IKBKB-DT: variants seen among roughly 807,000 people sequenced by gnomAD.
IKBKB-DT encodes the protein IKBKB divergent transcript.
intron 3 of IKBKB-DT, among the ~76,000 whole-genome samples, chr8:42,262,675 G>T (rs994602215): frequency 6.6e-6 from 1 of 151,940 alleles, no homozygotes. Flanking sequence ...TCCTGACCTC[G>T]TGATCCGCCC....
At chr8:42,271,170 C>A (rs1048904625) in exon 1 of IKBKB-DT, 1 of 595,202 alleles carries the variant, frequency 1.7e-6, no homozygotes, top group Non-Finnish European at 3.0e-6. Context: ...CTAGAGACCA[C>A]ACGCCACCCC....
intron 3 of IKBKB-DT, among the ~76,000 whole-genome samples, chr8:42,248,689 G>C (rs903315395): frequency 1.3e-5 from 2 of 151,786 alleles, no homozygotes; most frequent in African/African-American, 4.8e-5. Flanking sequence ...GGCCAGCCTG[G>C]CCAACATGGT....
chr8:42,239,649 CATTTT>C (rs1197489194), intron 3 of IKBKB-DT, among the ~76,000 whole-genome samples: 6 of 13,170 alleles, frequency 4.6e-4, no homozygotes, highest in African/African-American at 1.3e-3. Context: ...TTTATTTATT[CATTTT>C]TTTTTTTTGA....
intron 3 of IKBKB-DT, among the ~76,000 whole-genome samples, chr8:42,243,623 C>G (rs1014268970): frequency 6.6e-6 from 1 of 152,136 alleles, no homozygotes; most frequent in Non-Finnish European, 1.5e-5. Context: ...GGTGCTACTG[C>G]TTATAGCACT....
chr8:42,256,351 G>T (rs934306281), intron 3 of IKBKB-DT, among the ~76,000 whole-genome samples: 1 of 150,386 alleles, frequency 6.6e-6, no homozygotes, highest in Non-Finnish European at 1.5e-5. Context: ...AGCCTGAGGT[G>T]AGAAGTTTGA....
intron 3 of IKBKB-DT, among the ~76,000 whole-genome samples, chr8:42,235,211 T>A: frequency 6.9e-6 from 1 of 144,086 alleles, no homozygotes. Context: ...TTTTCTTTTT[T>A]TTTTTTTTTT....
chr8:42,236,501 C>T (rs1444918704), intron 3 of IKBKB-DT, among the ~76,000 whole-genome samples: 1 of 152,192 alleles, frequency 6.6e-6, no homozygotes, highest in Non-Finnish European at 1.5e-5. Flanking sequence ...CGCAGTGTCT[C>T]ATGTCTGTAA....
At chr8:42,236,309 T>C (rs1488791909) in intron 3 of IKBKB-DT, among the ~76,000 whole-genome samples, 1 of 152,144 alleles carries the variant, frequency 6.6e-6, no homozygotes, top group Non-Finnish European at 1.5e-5. Context: ...CTACTTCTTT[T>C]TCAGCCATGC....
At chr8:42,235,195 C>CTTTTCTTTTT (rs1806903290) in intron 3 of IKBKB-DT, among the ~76,000 whole-genome samples, 1 of 107,510 alleles carries the variant, frequency 9.3e-6, no homozygotes, top group African/African-American at 4.0e-5. Context: ...TTTTTCTTTT[C>CTTTTCTTTTT]TTTTATTTTC....
chr8:42,260,074 C>T (rs143345772), intron 3 of IKBKB-DT, among the ~76,000 whole-genome samples: 11 of 150,710 alleles, frequency 7.3e-5, no homozygotes, highest in South Asian at 2.1e-4. Context: ...ACAGGAGCAA[C>T]GGGAAGGAAG....
intron 3 of IKBKB-DT, among the ~76,000 whole-genome samples, chr8:42,253,585 G>A (rs1016350888): frequency 7.2e-5 from 11 of 152,138 alleles, no homozygotes; most frequent in African/African-American, 2.7e-4. Flanking sequence ...CAGTTTGCAG[G>A]TAAATAACAA....
chr8:42,240,103 G>A (rs1806980604), intron 3 of IKBKB-DT, among the ~76,000 whole-genome samples: 1 of 151,890 alleles, frequency 6.6e-6, no homozygotes, highest in Admixed American at 6.6e-5. Context: ...TGCTTGTTCT[G>A]TACATAAACT....
intron 3 of IKBKB-DT, among the ~76,000 whole-genome samples, chr8:42,249,890 A>G (rs915877061): frequency 1.3e-5 from 2 of 151,992 alleles, no homozygotes; most frequent in Non-Finnish European, 2.9e-5. Context: ...CAGCTTGAGC[A>G]ACACAGTGAA....
intron 3 of IKBKB-DT, among the ~76,000 whole-genome samples, chr8:42,262,386 C>A (rs900379791): frequency 6.6e-6 from 1 of 151,284 alleles, no homozygotes; most frequent in African/African-American, 2.4e-5. Context: ...CCTCCCCTGA[C>A]TGACATCACA....
chr8:42,253,664 C>T (rs1807157362), intron 3 of IKBKB-DT, among the ~76,000 whole-genome samples: 1 of 152,166 alleles, frequency 6.6e-6, no homozygotes, highest in Admixed American at 6.6e-5. Context: ...TTCCCTGGTG[C>T]TGTAAAGAAA....
At chr8:42,256,157 C>A (rs1021427649) in intron 3 of IKBKB-DT, among the ~76,000 whole-genome samples, 1 of 151,954 alleles carries the variant, frequency 6.6e-6, no homozygotes, top group South Asian at 2.1e-4. Flanking sequence ...TGTTTCAATT[C>A]TGTTTACGAA....
At chr8:42,241,609 A>T (rs1487653214) in intron 3 of IKBKB-DT, among the ~76,000 whole-genome samples, 1 of 152,216 alleles carries the variant, frequency 6.6e-6, no homozygotes, top group Non-Finnish European at 1.5e-5. Flanking sequence ...CAACGCTGAG[A>T]TGTTAGAACT....
chr8:42,254,805 G>A (rs550044198), intron 3 of IKBKB-DT, among the ~76,000 whole-genome samples: 8 of 146,998 alleles, frequency 5.4e-5, no homozygotes, highest in East Asian at 2.1e-4. Context: ...GCCTCTGCCC[G>A]GCTACCCCAT....
intron 3 of IKBKB-DT, among the ~76,000 whole-genome samples, chr8:42,252,707 C>T (rs1161865062): frequency 6.6e-6 from 1 of 152,140 alleles, no homozygotes; most frequent in African/African-American, 2.4e-5. Flanking sequence ...AATAAGCTAG[C>T]CCACTGGGGA....
Sources: allele counts gnomAD v4.1 joint callset (sites outside exome capture counted in the v4.1 genomes callset), GRCh38; gene constraint gnomAD v4.1.1; transcripts MANE v1.5; gene names NCBI Gene and HGNC (gene_info 2026-07-23, HGNC 2026-07-21).